Variants in SLC39A11 observed in about 807,000 individuals in gnomAD.
SLC39A11 encodes zinc transporter ZIP11.
In SLC39A11, 33 loss-of-function variants were observed where a neutral mutation model predicts 36.1. The ratio of observed to expected loss-of-function variants is 0.91; its 90% CI spans 0.69 to 1.22. The LOEUF is 1.22. Among genes scored for constraint, SLC39A11 ranks in the 50% most tolerant of loss-of-function variants. SLC39A11 has a pLI of 0.00. For missense variants in SLC39A11, 432 were observed against 430.3 expected, an observed-to-expected ratio of 1.00 and a Z score of -0.03; for synonymous variants, 166 against 170.3, an observed-to-expected ratio of 0.97 and a Z score of 0.20.
At chr17:72,758,878 A>G (rs1370413084) in intron 6 of SLC39A11, among the ~76,000 whole-genome samples, 1 of 152,136 alleles carries the variant, frequency 6.6e-6, no homozygotes, top group Non-Finnish European at 1.5e-5. Flanking sequence ...TGACCCATGG[A>G]TGACAGCAAT....
At chr17:73,047,399 G>A (rs1383125280) in intron 3 of SLC39A11, among the ~76,000 whole-genome samples, 1 of 152,140 alleles carries the variant, frequency 6.6e-6, no homozygotes, top group Non-Finnish European at 1.5e-5. Context: ...GGGGGATGTT[G>A]GGTAAGAGAT....
chr17:72,972,249 T>C (rs1156610429), intron 4 of SLC39A11, among the ~76,000 whole-genome samples: 1 of 152,126 alleles, frequency 6.6e-6, no homozygotes, highest in Admixed American at 6.5e-5. Context: ...TCACGGCCCA[T>C]CATGTCCAGA....
chr17:72,768,344 A>G (rs182418319), intron 6 of SLC39A11, among the ~76,000 whole-genome samples: 1 of 152,374 alleles, frequency 6.6e-6, no homozygotes, highest in East Asian at 1.9e-4. Flanking sequence ...AGCTCAGCCC[A>G]AAAGCCCAGG....
At chr17:72,734,150 A>C (rs1028487820) in intron 7 of SLC39A11, among the ~76,000 whole-genome samples, 1 of 152,142 alleles carries the variant, frequency 6.6e-6, no homozygotes, top group African/African-American at 2.4e-5. Context: ...TCCTATGTGT[A>C]GTGTGAACTA....
chr17:72,814,130 C>T (rs1271000247), intron 6 of SLC39A11, among the ~76,000 whole-genome samples: 1 of 152,198 alleles, frequency 6.6e-6, no homozygotes, highest in Non-Finnish European at 1.5e-5. Context: ...AACAAGATTA[C>T]ACACCATTTC....
At chr17:73,026,383 C>T (rs906836628) in intron 4 of SLC39A11, among the ~76,000 whole-genome samples, 17 of 151,604 alleles carry the variant, frequency 1.1e-4, no homozygotes, top group Admixed American at 4.6e-4. Flanking sequence ...GGCATGGTGG[C>T]GCATGCCTGT....
At chr17:72,841,872 G>A (rs1761540739) in intron 6 of SLC39A11, among the ~76,000 whole-genome samples, 1 of 151,394 alleles carries the variant, frequency 6.6e-6, no homozygotes, top group African/African-American at 2.4e-5. Context: ...GACTAGCCTA[G>A]GCAACATGGC....
At chr17:73,030,052 T>A (rs2058689646) in intron 4 of SLC39A11, among the ~76,000 whole-genome samples, 1 of 152,160 alleles carries the variant, frequency 6.6e-6, no homozygotes. Context: ...CAGGCATTAG[T>A]TAGATTCTCT....
At chr17:72,680,425 A>C (rs192710602) in intron 7 of SLC39A11, among the ~76,000 whole-genome samples, 2 of 152,316 alleles carry the variant, frequency 1.3e-5, no homozygotes, top group East Asian at 3.9e-4. Flanking sequence ...GAAGTAATTG[A>C]ATCATGGGGG....
chr17:72,770,860 C>G (rs1422394775), intron 6 of SLC39A11, among the ~76,000 whole-genome samples: 1 of 152,180 alleles, frequency 6.6e-6, no homozygotes, highest in East Asian at 1.9e-4. Flanking sequence ...GTGTAATAAG[C>G]TCCTGCTGAT....
At chr17:73,089,037 A>T (rs1289968316) in intron 1 of SLC39A11, among the ~76,000 whole-genome samples, 1 of 152,230 alleles carries the variant, frequency 6.6e-6, no homozygotes, top group Non-Finnish European at 1.5e-5. Context: ...AAAAGGCTGC[A>T]ACATTGAAAA....
intron 7 of SLC39A11, among the ~76,000 whole-genome samples, chr17:72,698,079 T>C (rs1348994195): frequency 1.3e-5 from 2 of 152,214 alleles, no homozygotes; most frequent in East Asian, 3.8e-4. Flanking sequence ...CCTGGTTTAG[T>C]ATTATCCTGA....
chr17:72,694,610 C>T (rs1373121840), intron 7 of SLC39A11, among the ~76,000 whole-genome samples: 1 of 152,210 alleles, frequency 6.6e-6, no homozygotes, highest in Non-Finnish European at 1.5e-5. Flanking sequence ...CCAGTGGTTC[C>T]ACGGCAAGCT....
chr17:72,744,973 C>A (rs572726635), intron 6 of SLC39A11, among the ~76,000 whole-genome samples: 1 of 152,196 alleles, frequency 6.6e-6, no homozygotes, highest in African/African-American at 2.4e-5. Flanking sequence ...TCCTGAGTAG[C>A]TGGGATTACA....
At chr17:72,955,931 C>G (rs1455041020) in intron 4 of SLC39A11, among the ~76,000 whole-genome samples, 1 of 152,048 alleles carries the variant, frequency 6.6e-6, no homozygotes, top group East Asian at 1.9e-4. Flanking sequence ...TGCCGTCTAT[C>G]CTCTTGATGA....
At chr17:72,704,107 G>A (rs571714895) in intron 7 of SLC39A11, among the ~76,000 whole-genome samples, 103 of 152,168 alleles carry the variant, frequency 6.8e-4, no homozygotes, top group African/African-American at 1.6e-3. Context: ...TAGCCTGGAC[G>A]ACGGAGTGAG....
At chr17:73,009,245 T>C (rs184254688) in intron 4 of SLC39A11, among the ~76,000 whole-genome samples, 98 of 151,272 alleles carry the variant, frequency 6.5e-4, no homozygotes, top group African/African-American at 1.7e-3. Context: ...GGCGGGCATC[T>C]GTAGTCCCCG....
Position 73,046,573 on chromosome 17 carries a change from T to G in SLC39A11, c.148-14859A>C, listed in dbSNP as rs114269418. Among the ~76,000 whole-genome samples the G allele has an allele frequency of 5.8e-3, 883 of 152,324 alleles. 6 individuals are homozygous for G. Among genetic ancestry groups the G allele is most frequent in the African/African-American group, 0.019 (790 of 41,566 alleles). On this transcript the variant is annotated intron_variant, in intron 3 of 9. Transcript: ENST00000255559. Reference sequence around the variant, plus strand: ...GTATAAGCATGTCCCTAATACTACATGTTTTTCCTGGCTATACTACCCCCA... The same window carrying G: ...GTATAAGCATGTCCCTAATACTACAGGTTTTTCCTGGCTATACTACCCCCA...
intron 5 of SLC39A11, among the ~76,000 whole-genome samples, chr17:72,915,270 C>T (rs140786704): frequency 3.5e-4 from 53 of 152,284 alleles, no homozygotes; most frequent in African/African-American, 1.1e-3. Flanking sequence ...CTATTTCTCT[C>T]GCCCACCATC....
Sources: gnomAD v4.1 joint callset for allele counts (sites outside exome capture counted in the v4.1 genomes callset) on GRCh38, gnomAD v4.1.1 for gene constraint, MANE v1.5 for transcripts, NCBI Gene and HGNC (gene_info 2026-07-23, HGNC 2026-07-21) for gene names.